Variants in PRIM2 observed in about 807,000 individuals in gnomAD.
The protein encoded by PRIM2 is DNA primase subunit 2, also known as DNA primase large subunit.
PRIM2 carries 39 observed loss-of-function variants against 67.3 expected under a neutral mutation model. The ratio of observed to expected loss-of-function variants is 0.58; its 90% confidence interval spans 0.45 to 0.76. The LOEUF (loss-of-function observed/expected upper bound fraction) is 0.76, where lower values mean the gene tolerates loss of function less well. Among genes scored for constraint, PRIM2 ranks in the 30% least tolerant of loss-of-function variants. PRIM2 has a pLI of 0.00. For missense variants in PRIM2, 398 were observed against 598.7 expected, an observed-to-expected ratio of 0.66 and a Z score of 3.50; for synonymous variants, 143 against 198.7, an observed-to-expected ratio of 0.72 and a Z score of 2.36.
At chr6:57,430,054 G>A (rs561853882) in intron 7 of PRIM2, among the ~76,000 whole-genome samples, 1 of 152,272 alleles carries the variant, frequency 6.6e-6, no homozygotes, top group Admixed American at 6.5e-5. Flanking sequence ...TTGAAATTGG[G>A]GATGGGGGAT....
intron 10 of PRIM2, among the ~76,000 whole-genome samples, chr6:57,571,446 TC>T (rs1775860906): frequency 1.3e-5 from 2 of 151,984 alleles, no homozygotes; most frequent in Non-Finnish European, 1.5e-5. Flanking sequence ...GGTCAGGAGT[TC>T]AAGACCAGCC....
intron 5 of PRIM2, among the ~76,000 whole-genome samples, chr6:57,348,952 C>T (rs987809140): frequency 2.6e-5 from 4 of 151,856 alleles, no homozygotes; most frequent in Admixed American, 2.0e-4. Context: ...TCACCATTTT[C>T]GTCAGGATGG....
chr6:57,584,484 C>G, intron 10 of PRIM2, among the ~76,000 whole-genome samples: 1 of 152,120 alleles, frequency 6.6e-6, no homozygotes, highest in Non-Finnish European at 1.5e-5. Context: ...TTTCTGAAAA[C>G]AATGTGGTCA....
intron 7 of PRIM2, among the ~76,000 whole-genome samples, chr6:57,422,878 G>A (rs1771510782): frequency 6.6e-6 from 1 of 152,120 alleles, no homozygotes; most frequent in South Asian, 2.1e-4. Flanking sequence ...GTAGTATTTT[G>A]CAGGTGAATT....
the PRIM2 span, among the ~76,000 whole-genome samples, chr6:57,255,404 A>C: frequency 6.6e-6 from 1 of 151,920 alleles, no homozygotes; most frequent in African/African-American, 2.4e-5. Context: ...AGGCTGATGC[A>C]GGAGAATGGC....
intron 5 of PRIM2, among the ~76,000 whole-genome samples, chr6:57,352,429 T>C (rs533669732): frequency 6.3e-4 from 96 of 152,116 alleles, no homozygotes; most frequent in Non-Finnish European, 9.7e-4. Flanking sequence ...TTAGTAGAGA[T>C]GGGGTTTCAC....
At chr6:57,278,320 G>GT in the PRIM2 span, among the ~76,000 whole-genome samples, 5 of 151,706 alleles carry the variant, frequency 3.3e-5, no homozygotes, top group South Asian at 1.0e-3. Context: ...GAGCGAGACT[G>GT]TTTAAAAAAA....
At chr6:57,519,900 C>T (rs1774576331) in intron 8 of PRIM2, among the ~76,000 whole-genome samples, 1 of 152,216 alleles carries the variant, frequency 6.6e-6, no homozygotes, top group African/African-American at 2.4e-5. Context: ...CCACGTTCTT[C>T]TGCCATGGCT....
the PRIM2 span, among the ~76,000 whole-genome samples, chr6:57,284,213 A>G: frequency 6.6e-6 from 1 of 152,178 alleles, no homozygotes; most frequent in Non-Finnish European, 1.5e-5. Context: ...TCTAGCAGAG[A>G]TTGTAAAGTC....
chr6:57,540,294 G>A (rs1196460411), intron 10 of PRIM2, among the ~76,000 whole-genome samples: 2 of 147,542 alleles, frequency 1.4e-5, no homozygotes, highest in African/African-American at 2.5e-5. Context: ...CACACACAGC[G>A]AGAGAGAGAG....
At chr6:57,374,603 T>A (rs1385140985) in intron 5 of PRIM2, among the ~76,000 whole-genome samples, 2 of 141,470 alleles carry the variant, frequency 1.4e-5, no homozygotes, top group African/African-American at 5.2e-5. Flanking sequence ...TATTTATTTA[T>A]TTTTTGAGAC....
the PRIM2 span, among the ~76,000 whole-genome samples, chr6:57,268,813 G>A: frequency 8.1e-6 from 1 of 123,688 alleles, no homozygotes; most frequent in South Asian, 2.6e-4. Flanking sequence ...TCCCCAGAGT[G>A]TGATGTTCCC....
At chr6:57,438,308 T>C (rs1364806810) in intron 7 of PRIM2, among the ~76,000 whole-genome samples, 1 of 152,192 alleles carries the variant, frequency 6.6e-6, no homozygotes, top group Non-Finnish European at 1.5e-5. Flanking sequence ...CAAGGAATTG[T>C]TACTGTTTGT....
At chr6:57,388,363 G>A (rs368165829) in intron 7 of PRIM2, among the ~76,000 whole-genome samples, 2 of 152,146 alleles carry the variant, frequency 1.3e-5, no homozygotes, top group East Asian at 3.8e-4. Context: ...TGGTTGTGGT[G>A]ATATGACTGA....
At chr6:57,443,101 T>C (rs1772252203) in intron 7 of PRIM2, among the ~76,000 whole-genome samples, 1 of 152,204 alleles carries the variant, frequency 6.6e-6, no homozygotes, top group East Asian at 1.9e-4. Flanking sequence ...TAAGGCTGAA[T>C]AGTACTCTAT....
intron 5 of PRIM2, among the ~76,000 whole-genome samples, chr6:57,329,883 T>G (rs1429666382): frequency 1.3e-5 from 2 of 152,242 alleles, no homozygotes; most frequent in African/African-American, 4.8e-5. Context: ...GTCAGTAGTA[T>G]GTGGTCTTGA....
intron 7 of PRIM2, among the ~76,000 whole-genome samples, chr6:57,439,409 T>TG (rs1772124958): frequency 9.6e-6 from 1 of 104,210 alleles, no homozygotes; most frequent in East Asian, 2.3e-4. Flanking sequence ...ACTCTGTTTT[T>TG]TTTTTTTTTT....
At chr6:57,474,426 A>G (rs1156366471) in intron 7 of PRIM2, among the ~76,000 whole-genome samples, 1 of 152,104 alleles carries the variant, frequency 6.6e-6, no homozygotes, top group South Asian at 2.1e-4. Flanking sequence ...TGCCCGCCTC[A>G]GCCTCCCAAA....
rs141052880 is a variant in PRIM2 at position 57,320,602 on chromosome 6, A to G, written c.258+42A>G. The G allele has an allele frequency of 3.2e-5, 40 of 1,232,896 alleles. No homozygotes were observed. In the African/African-American group the frequency reaches 4.1e-4, roughly 13 times the overall value. The allele number at this position is 1,232,896 out of a possible 1,614,324, so 76.4% of individuals were successfully genotyped here. A position where few individuals can be genotyped will look rare whatever the true frequency, so the allele number is the denominator to read the frequency against. On this transcript the variant is annotated intron_variant, in intron 3 of 13. Coordinates refer to ENST00000615550, the MANE Select transcript of PRIM2 (RefSeq NM_000947.5). The stretch of plus-strand genomic sequence containing the variant: ...AAAAAAGTTCCTTCAGTTTCTATGC[A>G]TTTATGTATTGAGTGTCACTTGTGG...
Sources: allele counts gnomAD v4.1 joint callset (sites outside exome capture counted in the v4.1 genomes callset), GRCh38; gene constraint gnomAD v4.1.1; transcripts MANE v1.5; gene names NCBI Gene and HGNC (gene_info 2026-07-23, HGNC 2026-07-21).